The following TBC1D5 variants were observed in gnomAD, a reference collection of about 807,000 sequenced individuals.
TBC1D5 encodes the protein TBC1 domain family, member 5.
TBC1D5 carries 75 observed loss-of-function variants against 100.3 expected under a neutral mutation model. That is an observed-to-expected ratio of 0.75 (90% CI 0.62 to 0.91). The LOEUF is 0.91. Among genes scored for constraint, TBC1D5 ranks in the 40% least tolerant of loss-of-function variants. TBC1D5 has a pLI of 0.00. For missense variants in TBC1D5, 910 were observed against 942.4 expected, an observed-to-expected ratio of 0.97 and a Z score of 0.45; for synonymous variants, 323 against 325.6, an observed-to-expected ratio of 0.99 and a Z score of 0.09.
At chr3:17,180,212 A>G (rs1213475769) in intron 19 of TBC1D5, among the ~76,000 whole-genome samples, 1 of 152,218 alleles carries the variant, frequency 6.6e-6, no homozygotes, top group South Asian at 2.1e-4. Flanking sequence ...TTGAATTCAA[A>G]TAATTCCATC....
At chr3:17,256,051 C>CA (rs1353758404) in intron 16 of TBC1D5, among the ~76,000 whole-genome samples, 23 of 151,942 alleles carry the variant, frequency 1.5e-4, no homozygotes, top group African/African-American at 5.3e-4. Flanking sequence ...ATAAAAACAA[C>CA]AAAAAAAATT....
intron 2 of TBC1D5, among the ~76,000 whole-genome samples, chr3:17,553,998 C>T (rs769027641): frequency 2.6e-5 from 4 of 152,114 alleles, no homozygotes; most frequent in African/African-American, 4.8e-5. Flanking sequence ...CAGCCTACTA[C>T]GTCAGTTTAA....
intron 1 of TBC1D5, among the ~76,000 whole-genome samples, chr3:17,715,149 T>C (rs1003251048): frequency 1.3e-5 from 2 of 152,254 alleles, no homozygotes; most frequent in Admixed American, 1.3e-4. Flanking sequence ...GTAAATGTCA[T>C]ACTGCAAATC....
chr3:17,453,983 CATCCTACCA>C (rs2094989415), intron 3 of TBC1D5, among the ~76,000 whole-genome samples: 1 of 152,180 alleles, frequency 6.6e-6, no homozygotes, highest in African/African-American at 2.4e-5. Context: ...CAATGTGATA[CATCCTACCA>C]ATGGAATGAA....
At chr3:17,575,131 G>C (rs753968700) in intron 2 of TBC1D5, 6 of 152,020 alleles carry the variant, frequency 3.9e-5, no homozygotes, top group Non-Finnish European at 7.3e-5. Context: ...TCTGAGACTA[G>C]CCTAGGCAAT....
intron 16 of TBC1D5, among the ~76,000 whole-genome samples, chr3:17,252,670 T>G (rs2077275616): frequency 6.6e-6 from 1 of 152,196 alleles, no homozygotes; most frequent in African/African-American, 2.4e-5. Flanking sequence ...GATCAGGATC[T>G]GCCTCAGCTT....
At chr3:17,741,510 C>T (rs1040313264), upstream of TBC1D5, among the ~76,000 whole-genome samples, 1 of 152,154 alleles carries the variant, frequency 6.6e-6, no homozygotes, top group African/African-American at 2.4e-5. Context: ...AAAGAATTAC[C>T]GGGTCTAGAA....
chr3:17,216,091 TAGA>T (rs1258984846), intron 17 of TBC1D5, among the ~76,000 whole-genome samples: 3 of 152,098 alleles, frequency 2.0e-5, no homozygotes, highest in Non-Finnish European at 2.9e-5. Context: ...CTCCCTTGGA[TAGA>T]AGGAGAGAGT....
intron 1 of TBC1D5, among the ~76,000 whole-genome samples, chr3:17,680,325 A>C (rs911451856): frequency 1.3e-5 from 2 of 150,468 alleles, no homozygotes; most frequent in Non-Finnish European, 2.9e-5. Flanking sequence ...TCAATCTCCT[A>C]GATTCAAGCA....
chr3:17,508,671 T>C (rs1324799079), intron 2 of TBC1D5, 66 bp from the exon 3 acceptor site: 21 of 813,292 alleles, frequency 2.6e-5, no homozygotes, highest in Admixed American at 2.5e-4. Context: ...GGAATAAATA[T>C]AAGACTGAAA....
intron 1 of TBC1D5, among the ~76,000 whole-genome samples, chr3:17,700,282 A>C (rs1412745360): frequency 1.3e-5 from 2 of 152,188 alleles, no homozygotes; most frequent in African/African-American, 2.4e-5. Context: ...CCATATGGAG[A>C]AAGCTGAAAC....
intron 3 of TBC1D5, among the ~76,000 whole-genome samples, chr3:17,486,377 C>A (rs2150425163): frequency 6.6e-6 from 1 of 152,208 alleles, no homozygotes; most frequent in South Asian, 2.1e-4. Flanking sequence ...CTTTTGTTGC[C>A]ATTGCTTTTG....
intron 3 of TBC1D5, among the ~76,000 whole-genome samples, chr3:17,468,321 T>C (rs1666296180): frequency 6.6e-6 from 1 of 152,216 alleles, no homozygotes. Flanking sequence ...TTTCCTCAGT[T>C]TGGAATGTCC....
intron 21 of TBC1D5, among the ~76,000 whole-genome samples, chr3:17,164,370 A>AAGTT (rs2066387589): frequency 6.6e-6 from 1 of 152,234 alleles, no homozygotes; most frequent in Non-Finnish European, 1.5e-5. Context: ...ACCCATCCCT[A>AAGTT]AGTTAGGAAT....
chr3:17,245,829 T>C (rs2076692078), intron 16 of TBC1D5, among the ~76,000 whole-genome samples: 3 of 152,334 alleles, frequency 2.0e-5, no homozygotes, highest in Admixed American at 1.3e-4. Context: ...ATTTGAATTA[T>C]TATTTGAATT....
chr3:17,706,009 G>C (rs1369091072), intron 1 of TBC1D5: 9 of 1,448,116 alleles, frequency 6.2e-6, no homozygotes, highest in Non-Finnish European at 7.5e-6. Context: ...ACGGAGTCTT[G>C]CTGTCACCCA....
At chr3:17,256,475 G>A (rs2077694527) in intron 16 of TBC1D5, among the ~76,000 whole-genome samples, 1 of 144,498 alleles carries the variant, frequency 6.9e-6, no homozygotes, top group Non-Finnish European at 1.5e-5. Context: ...AACTCAATGT[G>A]TTATATATAT....
At chr3:17,626,284 T>C (rs993318617) in intron 1 of TBC1D5, among the ~76,000 whole-genome samples, 1 of 152,210 alleles carries the variant, frequency 6.6e-6, no homozygotes, top group Non-Finnish European at 1.5e-5. Context: ...GTAGAGCATC[T>C]TTCTCTCTCT....
intron 17 of TBC1D5, among the ~76,000 whole-genome samples, chr3:17,229,246 T>G (rs973208889): frequency 2.6e-5 from 4 of 152,046 alleles, no homozygotes; most frequent in African/African-American, 9.7e-5. Flanking sequence ...ACCAAGACAA[T>G]GAGGCATCTG....
Sources: gnomAD v4.1 joint callset for allele counts (sites outside exome capture counted in the v4.1 genomes callset) on GRCh38, gnomAD v4.1.1 for gene constraint, MANE v1.5 for transcripts, NCBI Gene and HGNC (gene_info 2026-07-23, HGNC 2026-07-21) for gene names.